The following TIAM2 variants were observed in gnomAD, a reference collection of about 807,000 sequenced individuals.
TIAM2 encodes the protein TIAM Rac1 associated GEF 2, also known as rho guanine nucleotide exchange factor TIAM2.
A neutral mutation model predicts 152.9 loss-of-function variants in TIAM2; 80 were observed. That is an observed-to-expected ratio of 0.52 (90% CI 0.44 to 0.63). The LOEUF is 0.63. Ranked by LOEUF, TIAM2 falls within the 30% of genes least tolerant of loss-of-function variation. The pLI is 0.00. For synonymous variants in TIAM2, 804 were observed against 838.0 expected (o/e 0.96, Z 0.70); for missense variants, 1,965 against 2,120.1 (o/e 0.93, Z 1.44).
intron 14 of TIAM2, among the ~76,000 whole-genome samples, chr6:155,198,775 A>C (rs1027744658): frequency 1.3e-5 from 2 of 151,808 alleles, no homozygotes; most frequent in Non-Finnish European, 2.9e-5. Context: ...TGAGGCTTCC[A>C]TGATTTCTTC....
At chr6:155,205,350 G>A (rs773693934) in intron 14 of TIAM2, among the ~76,000 whole-genome samples, 3 of 152,088 alleles carry the variant, frequency 2.0e-5, no homozygotes, top group Middle Eastern at 6.8e-3. Context: ...TTGCTGTTCC[G>A]GAGAACTGGG....
At chr6:155,104,054 A>T (rs935913376) in intron 2 of TIAM2, among the ~76,000 whole-genome samples, 2 of 50,642 alleles carry the variant, frequency 3.9e-5, no homozygotes, top group East Asian at 6.7e-4. Context: ...CCCCCCCCAC[A>T]CCCCCACACA....
rs1562325805 is a variant in TIAM2, at chr6:155,129,655, T to C, written c.432T>C (p.Asn144=). 2 of 1,614,116 alleles carry C rather than the reference T, an allele frequency of 1.2e-6. No homozygotes were observed. The highest frequency in any genetic ancestry group is 8.5e-7 in the Non-Finnish European group (1 of 1,180,030). ...NGHLLNCYGR[N]ESIASTPPGE... ...ACCTTCTCAACTGCTACGGGAGGAATGAGAGCATTGCCTCCACCCCACCGG... is the reference window on the plus strand; with the variant it reads ...ACCTTCTCAACTGCTACGGGAGGAACGAGAGCATTGCCTCCACCCCACCGG... Residue 144 remains asparagine, a synonymous_variant, in exon 4 of 27, where the codon AAT becomes AAC. Coordinates refer to ENST00000682666, the MANE Select transcript of TIAM2 (RefSeq NM_012454.4). This position sits in a 1 kb window ranked among gnomAD's most constrained non-coding sequence, Gnocchi z 4.8.
intron 7 of TIAM2, among the ~76,000 whole-genome samples, chr6:155,162,609 G>A (rs868459178): frequency 2.0e-5 from 3 of 152,170 alleles, no homozygotes; most frequent in East Asian, 1.9e-4. Context: ...TCTTGTTAGC[G>A]TAGAACAGGA....
chr6:155,251,554 T>G (rs1028264355), intron 22 of TIAM2, among the ~76,000 whole-genome samples: 1 of 152,218 alleles, frequency 6.6e-6, no homozygotes, highest in Non-Finnish European at 1.5e-5. Context: ...CCTGGAGTGC[T>G]GGGATTACAG....
rs1723553483 is a variant in TIAM2 at position 155,218,266 on chromosome 6, T to C, written c.3168+6959T>C. Among the ~76,000 whole-genome samples, 1 of 152,252 alleles carries C rather than the reference T, an allele frequency of 6.6e-6. No homozygotes were observed. Among genetic ancestry groups the C allele is most frequent in the African/African-American group, 2.4e-5 (1 of 41,474 alleles). ...TTATGTGACTAAATTCCTATTTTAA[T>C]GCACGGAGAGATGGCCTCCTCAAGG... On this transcript the variant is annotated intron_variant, in intron 15 of 26. Coordinates refer to ENST00000682666, the MANE Select transcript of TIAM2 (RefSeq NM_012454.4). The surrounding 1 kb of genome is among the most constrained non-coding windows in gnomAD (Gnocchi z 4.5).
Position 155,257,358 on chromosome 6 carries a change from G to C in TIAM2, c.*237G>C, listed in dbSNP as rs924858528. On this transcript the variant is annotated 3_prime_UTR_variant, in exon 27 of 27. Transcript: ENST00000682666. The stretch of plus-strand genomic sequence containing the variant: ...CTTAGTTTATATCCACTTTGAGCAG[G>C]TATCAAATGATTTAGGATCCTTAAA... 2.0e-6 allele frequency: 1 copy of C among 499,912 alleles called. No homozygotes were observed. The highest frequency in any genetic ancestry group is 2.4e-5 in the South Asian group (1 of 41,512). The allele number at this position is 499,912 out of a possible 1,614,324, so 31.0% of individuals were successfully genotyped here.
chr6:155,209,792 C>T (rs1159323471), intron 14 of TIAM2, among the ~76,000 whole-genome samples: 2 of 152,202 alleles, frequency 1.3e-5, no homozygotes, highest in African/African-American at 4.8e-5. Flanking sequence ...AGGCCTTCCC[C>T]TATCTTAGAA....
intron 12 of TIAM2, among the ~76,000 whole-genome samples, chr6:155,180,629 G>T (rs1259105446): frequency 1.3e-5 from 2 of 151,594 alleles, no homozygotes; most frequent in Non-Finnish European, 2.9e-5. Flanking sequence ...TTGAGACATA[G>T]TCTTGCTCTG....
chr6:155,252,839 G>A (rs987318836), intron 23 of TIAM2, 109 bp from the exon 24 acceptor site: 1 of 961,432 alleles, frequency 1.0e-6, no homozygotes, highest in African/African-American at 1.6e-5. Flanking sequence ...CCACATGGCT[G>A]CTCGGAGACT....
rs72211101 is a variant in TIAM2 at position 155,109,946 on chromosome 6, C to CT, written c.-117-17523dup. On this transcript the variant is annotated intron_variant, in intron 2 of 26. Coordinates refer to ENST00000682666, the MANE Select transcript of TIAM2 (RefSeq NM_012454.4). ...AAATATATACAGACAAATGCACAGACTTTTTTTTTTTTTTTTTTTTTAAGA... is the reference window on the plus strand; with the variant it reads ...AAATATATACAGACAAATGCACAGACTTTTTTTTTTTTTTTTTTTTTTAAGA... Among the ~76,000 whole-genome samples, 279 of 138,840 alleles carry CT rather than the reference C, an allele frequency of 2.0e-3. 1 individual carries two copies. Among genetic ancestry groups the CT allele is most frequent in the East Asian group, 0.015 (66 of 4,458 alleles). The allele number at this position is 138,840 out of a possible 152,430, so 91.1% of individuals were successfully genotyped here.
intron 1 of TIAM2, among the ~76,000 whole-genome samples, chr6:155,025,298 A>G (rs1318432456): frequency 1.3e-5 from 2 of 149,968 alleles, no homozygotes; most frequent in Non-Finnish European, 3.0e-5. Flanking sequence ...GGTTCACGCC[A>G]TTCTCCTGCC....
chr6:155,114,036 A>ATATATATTTTTTTTTTT lies in TIAM2; in HGVS notation c.-117-13453_-117-13452insATATATTTTTTTTTTTT. On this transcript the variant is annotated intron_variant, in intron 2 of 26. Coordinates refer to ENST00000682666, the MANE Select transcript of TIAM2 (RefSeq NM_012454.4). ...ACTTTATATATATATATATATATATATTTTTTTTTTTTTCTTTTTTTTTTT... is the reference window on the plus strand; with the variant it reads ...ACTTTATATATATATATATATATATATATATATTTTTTTTTTTTTTTTTTTTTTTTCTTTTTTTTTTT... 3.7e-4 allele frequency among the ~76,000 whole-genome samples: 13 copies of ATATATATTTTTTTTTTT among 34,906 alleles called. 1 individual carries two copies. The highest frequency in any genetic ancestry group is 1.4e-3 in the East Asian group (2 of 1,412). The allele number at this position is 34,906 out of a possible 152,430, so 22.9% of individuals were successfully genotyped here.
chr6:155,112,091 T>C (rs919283806), intron 2 of TIAM2, among the ~76,000 whole-genome samples: 2 of 151,984 alleles, frequency 1.3e-5, no homozygotes, highest in Admixed American at 1.3e-4. Flanking sequence ...TTTTCCCAAT[T>C]GGCTTTAGGT....
chr6:155,185,733 T>TACC lies in TIAM2; in HGVS notation c.3064+2235_3064+2237dup, dbSNP rs528860986. Among the ~76,000 whole-genome samples, 27 of 152,262 alleles carry TACC rather than the reference T, an allele frequency of 1.8e-4. No individual in the cohort carries two copies. In the East Asian group the frequency reaches 5.0e-3, roughly 28 times the overall value. ...GATGGAATCTTGCAGGTTCTTCCAC[T>TACC]ACCAGCCTAGTGGGAGCCACTAACC... On this transcript the variant is annotated intron_variant, in intron 14 of 26. Transcript: ENST00000682666.
chr6:155,081,008 T>C (rs1373502053), intron 1 of TIAM2, among the ~76,000 whole-genome samples: 1 of 152,176 alleles, frequency 6.6e-6, no homozygotes, highest in Admixed American at 6.5e-5. Flanking sequence ...TCTGAAATCA[T>C]TGTTTCCTGG....
intron 1 of TIAM2, among the ~76,000 whole-genome samples, chr6:155,022,005 TCA>T (rs1279601718): frequency 3.3e-5 from 5 of 152,198 alleles, no homozygotes; most frequent in Admixed American, 1.3e-4. Flanking sequence ...AGTTTACCTC[TCA>T]GTTTAATTGC....
At chr6:154,999,859 A>G (rs1419049435) in intron 1 of TIAM2, among the ~76,000 whole-genome samples, 1 of 151,756 alleles carries the variant, frequency 6.6e-6, no homozygotes, top group Non-Finnish European at 1.5e-5. Flanking sequence ...TTGCATTTTT[A>G]GTACAGACGG....
chr6:155,210,317 CTTTCTT>C (rs1781690386), intron 14 of TIAM2, among the ~76,000 whole-genome samples: 1 of 150,492 alleles, frequency 6.6e-6, no homozygotes, highest in South Asian at 2.1e-4. Flanking sequence ...TTCCCCTCCT[CTTTCTT>C]TTTCTTTCCT....
Sources: allele counts gnomAD v4.1 joint callset (sites outside exome capture counted in the v4.1 genomes callset), GRCh38; gene constraint gnomAD v4.1.1; non-coding constraint Gnocchi (gnomAD v3.1); transcripts MANE v1.5; gene names NCBI Gene and HGNC (gene_info 2026-07-23, HGNC 2026-07-21).